Variants in GPHN observed in about 807,000 individuals in gnomAD.
GPHN encodes the protein gephyrin.
GPHN carries 17 observed loss-of-function variants against 95.5 expected under a neutral mutation model. That is an observed-to-expected ratio of 0.18 (90% CI 0.12 to 0.27). The LOEUF (loss-of-function observed/expected upper bound fraction) is 0.27. Ranked by LOEUF, GPHN falls within the 10% of genes least tolerant of loss-of-function variation. The pLI, the probability that GPHN is intolerant of heterozygous loss-of-function variation, is 1.00. For missense variants in GPHN, 660 were observed against 978.1 expected, an observed-to-expected ratio of 0.67 and a Z score of 4.34; for synonymous variants, 320 against 322.5, an observed-to-expected ratio of 0.99 and a Z score of 0.08.
chr14:66,572,598 T>C (rs545896632), intron 1 of GPHN, among the ~76,000 whole-genome samples: 1 of 152,126 alleles, frequency 6.6e-6, no homozygotes, highest in African/African-American at 2.4e-5. Context: ...GCTACTGATA[T>C]TTGTACGTGG....
rs1376066957 is a variant in GPHN, at chr14:66,824,579, A to C, written c.294+13A>C. 1 of 1,147,306 alleles carries C rather than the reference A, an allele frequency of 8.7e-7. No homozygotes were observed. The highest frequency in any genetic ancestry group is 1.5e-5 in the African/African-American group (1 of 66,006). The allele number at this position is 1,147,306 out of a possible 1,614,324, so 71.1% of individuals were successfully genotyped here. A position where few individuals can be genotyped will look rare whatever the true frequency, so the allele number is the denominator to read the frequency against. ...TGTCACTCCAGAGGTGAGATAGTAC[A>C]TGCCTTTTCATATTCAAGGATTAAA... On this transcript the variant is annotated intron_variant, in intron 4 of 22. Coordinates refer to ENST00000478722, the MANE Select transcript of GPHN (RefSeq NM_020806.5).
At chr14:67,699,625 G>T in the GPHN span, among the ~76,000 whole-genome samples, 2 of 142,504 alleles carry the variant, frequency 1.4e-5, no homozygotes, top group Non-Finnish European at 3.0e-5. Flanking sequence ...AACAGAGAGA[G>T]AAAGAAAGAA....
At chr14:66,688,120 G>A (rs999791627) in intron 2 of GPHN, among the ~76,000 whole-genome samples, 3 of 151,998 alleles carry the variant, frequency 2.0e-5, no homozygotes, top group African/African-American at 7.3e-5. Context: ...TTGAAATAAA[G>A]TAAACTAGAG....
At chr14:67,587,906 C>T in the GPHN span, 3 of 152,768 alleles carry the variant, frequency 2.0e-5, no homozygotes, top group African/African-American at 7.2e-5. Context: ...TTGTGAACGT[C>T]GCTAAACAGG....
intron 2 of GPHN, among the ~76,000 whole-genome samples, chr14:66,699,334 A>G (rs146924548): frequency 6.6e-6 from 1 of 152,152 alleles, no homozygotes; most frequent in African/African-American, 2.4e-5. Flanking sequence ...CATGTACCCT[A>G]AAACTTAAAG....
chr14:66,589,445 T>G (rs1368523920), intron 1 of GPHN, among the ~76,000 whole-genome samples: 1 of 152,000 alleles, frequency 6.6e-6, no homozygotes, highest in Non-Finnish European at 1.5e-5. Flanking sequence ...ACTGGTAAAT[T>G]GGATAAAGAG....
chr14:66,580,881 C>A (rs755503801), intron 1 of GPHN, among the ~76,000 whole-genome samples: 2 of 151,530 alleles, frequency 1.3e-5, no homozygotes, highest in Non-Finnish European at 3.0e-5. Flanking sequence ...AAATGCAGGC[C>A]AATATTGTTG....
At chr14:66,865,269 G>A (rs1294832398) in intron 4 of GPHN, among the ~76,000 whole-genome samples, 1 of 151,914 alleles carries the variant, frequency 6.6e-6, no homozygotes, top group Non-Finnish European at 1.5e-5. Context: ...TAACACAAAG[G>A]ATAAATGCTT....
intron 5 of GPHN, among the ~76,000 whole-genome samples, chr14:66,913,591 C>T (rs767175599): frequency 6.6e-6 from 1 of 152,130 alleles, no homozygotes; most frequent in African/African-American, 2.4e-5. Flanking sequence ...CCTCCCACCT[C>T]GGCTTCCCAA....
intron 3 of GPHN, among the ~76,000 whole-genome samples, chr14:66,790,643 T>C (rs2059938060): frequency 6.6e-6 from 1 of 152,194 alleles, no homozygotes; most frequent in Non-Finnish European, 1.5e-5. Context: ...ATGGTTGCCC[T>C]GTGTAACAGA....
intron 2 of GPHN, among the ~76,000 whole-genome samples, chr14:66,698,668 C>T (rs1314827587): frequency 1.3e-5 from 2 of 152,184 alleles, no homozygotes; most frequent in Non-Finnish European, 2.9e-5. Context: ...CACTGTACAA[C>T]AGCAGAGTTG....
chr14:67,473,277 C>T, the GPHN span: 5 of 1,177,316 alleles, frequency 4.2e-6, no homozygotes, highest in Non-Finnish European at 4.8e-6. The surrounding 1 kb of genome is among the most constrained non-coding windows in gnomAD (Gnocchi z 6.5). Context: ...CCCCCGCGGA[C>T]GTTAGGGGGC....
chr14:67,156,417 G>A (rs2081590422), intron 18 of GPHN, among the ~76,000 whole-genome samples: 1 of 152,064 alleles, frequency 6.6e-6, no homozygotes, highest in Non-Finnish European at 1.5e-5. Context: ...ATGTTTTAAG[G>A]TTCTTGTATT....
intron 3 of GPHN, among the ~76,000 whole-genome samples, chr14:66,798,124 T>C (rs2060221510): frequency 1.3e-5 from 2 of 151,960 alleles, no homozygotes; most frequent in Admixed American, 1.3e-4. Context: ...ATGTATTACA[T>C]TGACTGATTT....
intron 4 of GPHN, among the ~76,000 whole-genome samples, chr14:66,824,799 A>G (rs929244523): frequency 2.0e-5 from 3 of 152,144 alleles, no homozygotes; most frequent in Non-Finnish European, 4.4e-5. Flanking sequence ...ACTGGTCCAG[A>G]GGTAATCTGT....
chr14:67,592,820 CTG>C, the GPHN span: 13 of 769,600 alleles, frequency 1.7e-5, no homozygotes, highest in Non-Finnish European at 2.4e-5. Flanking sequence ...GAGTCTCTCT[CTG>C]TTGCCCAAGC....
At chr14:67,526,473 A>G in the GPHN span, among the ~76,000 whole-genome samples, 1 of 152,240 alleles carries the variant, frequency 6.6e-6, no homozygotes, top group East Asian at 1.9e-4. Flanking sequence ...TGCCAGATGC[A>G]TGGAACTAAG....
chr14:67,665,575 C>T, the GPHN span, among the ~76,000 whole-genome samples: 1 of 152,084 alleles, frequency 6.6e-6, no homozygotes, highest in East Asian at 1.9e-4. Context: ...CCTTGTATCC[C>T]ACTTTTTAAG....
At chr14:67,245,662 T>C in the GPHN span, among the ~76,000 whole-genome samples, 2 of 152,138 alleles carry the variant, frequency 1.3e-5, no homozygotes, top group Admixed American at 1.3e-4. Context: ...TTTTATATAG[T>C]CCTTTATCTT....
Sources: allele counts gnomAD v4.1 joint callset (sites outside exome capture counted in the v4.1 genomes callset), GRCh38; gene constraint gnomAD v4.1.1; non-coding constraint Gnocchi (gnomAD v3.1); transcripts MANE v1.5; gene names NCBI Gene and HGNC (gene_info 2026-07-23, HGNC 2026-07-21).